ACOT12: variants seen among roughly 807,000 people sequenced by gnomAD.
ACOT12 encodes acyl-CoA thioesterase 12.
In ACOT12, 51 loss-of-function variants were observed where a neutral mutation model predicts 67.7. The ratio of observed to expected loss-of-function variants is 0.75; its 90% CI spans 0.60 to 0.95. The LOEUF is 0.95. ACOT12 is among the 40% of genes least tolerant of loss of function. ACOT12 has a pLI of 0.00. For missense variants in ACOT12, 734 were observed against 708.1 expected (o/e 1.04, Z -0.41); for synonymous variants, 251 against 244.6 (o/e 1.03, Z -0.24).
chr5:81,331,071 G>T, intron 13 of ACOT12, 131 bp from the exon 14 acceptor site: 1 of 1,093,968 alleles, frequency 9.1e-7, no homozygotes, highest in Non-Finnish European at 1.2e-6. Flanking sequence ...TTCTAGAAGA[G>T]TGGTCTCATC....
Position 81,343,824 on chromosome 5 carries a change from G to C in ACOT12, c.1038C>G (p.Ser346Arg). Residue 346 changes from serine to arginine, a missense_variant, in exon 10 of 15, where the codon AGC becomes AGG. Physicochemically the swap from Ser to Arg is moderately radical, Grantham distance 110. Transcript: ENST00000307624. Reference protein sequence around the residue: ...EVPLCIHWDISKQASLSDSNV... With the variant: ...EVPLCIHWDIRKQASLSDSNV... ...CCAAATCACAAAACATCACCTGCTT[G>C]CTGATATCCCAGTGTATGCAAAGTG... 1.2e-6 allele frequency: 2 copies of C among 1,611,852 alleles called. No homozygotes were observed. Among genetic ancestry groups the C allele is most frequent in the Non-Finnish European group, 1.7e-6 (2 of 1,179,514 alleles).
chr5:81,370,821 T>C (rs980995430), intron 3 of ACOT12, among the ~76,000 whole-genome samples: 1 of 152,218 alleles, frequency 6.6e-6, no homozygotes, highest in African/African-American at 2.4e-5. Flanking sequence ...CTTCCATGTC[T>C]TCATGCCCAG....
At chr5:81,364,371 G>C (rs1012776017) in intron 3 of ACOT12, among the ~76,000 whole-genome samples, 24 of 151,472 alleles carry the variant, frequency 1.6e-4, no homozygotes, top group African/African-American at 5.3e-4. Flanking sequence ...AAATACGTGT[G>C]TGTATATATG....
chr5:81,365,781 G>A (rs1760059393), intron 3 of ACOT12, among the ~76,000 whole-genome samples: 1 of 152,188 alleles, frequency 6.6e-6, no homozygotes, highest in South Asian at 2.1e-4. Context: ...AGGTTCTCAG[G>A]CTGAAGGTAA....
chr5:81,366,328 G>C (rs1343377495), intron 3 of ACOT12, among the ~76,000 whole-genome samples: 1 of 152,056 alleles, frequency 6.6e-6, no homozygotes, highest in Non-Finnish European at 1.5e-5. Context: ...AAAAATATTA[G>C]ATGCAAGAAA....
chr5:81,374,588 C>A (rs541523719), intron 2 of ACOT12, among the ~76,000 whole-genome samples: 1 of 152,076 alleles, frequency 6.6e-6, no homozygotes, highest in East Asian at 1.9e-4. Flanking sequence ...AAGCTAAGAA[C>A]CTTGAAAAAA....
chr5:81,378,447 C>T (rs1012374490), intron 2 of ACOT12, among the ~76,000 whole-genome samples: 3 of 152,134 alleles, frequency 2.0e-5, no homozygotes, highest in Non-Finnish European at 2.9e-5. Flanking sequence ...ATGACTAAAA[C>T]ACCAAAAGCA....
chr5:81,342,486 T>C (rs575985833), intron 11 of ACOT12, among the ~76,000 whole-genome samples, 186 bp downstream of exon 11: 4 of 152,260 alleles, frequency 2.6e-5, no homozygotes, highest in Admixed American at 2.0e-4. Context: ...TTGGGTATAT[T>C]TGAAGGACTC....
In ACOT12 at chr5:81,385,867, A is replaced by G. The variant is rs775940073; in HGVS notation, c.128-41T>C. On this transcript the variant is annotated intron_variant, in intron 1 of 14. Coordinates refer to ENST00000307624, the MANE Select transcript of ACOT12 (RefSeq NM_130767.3). ...AAAAATGTGCTGCTTTAGTGGTGATATGAGAATATTTCAGTATAAGGGAAA... is the reference window on the plus strand; with the variant it reads ...AAAAATGTGCTGCTTTAGTGGTGATGTGAGAATATTTCAGTATAAGGGAAA... The G allele has an allele frequency of 5.7e-6, 9 of 1,572,074 alleles. No homozygotes were observed. In the Admixed American group the frequency reaches 6.7e-5, roughly 12 times the overall value.
chr5:81,336,125 G>A (rs1758993959), intron 11 of ACOT12, among the ~76,000 whole-genome samples: 1 of 152,084 alleles, frequency 6.6e-6, no homozygotes, highest in African/African-American at 2.4e-5. Flanking sequence ...GTGACTTGAG[G>A]GTGGGCTATT....
intron 6 of ACOT12, among the ~76,000 whole-genome samples, chr5:81,346,997 A>G (rs889377860): frequency 1.3e-5 from 2 of 152,190 alleles, no homozygotes; most frequent in Admixed American, 6.5e-5. Context: ...GGAGTCTTTA[A>G]AAGTATTCTA....
downstream of ACOT12, among the ~76,000 whole-genome samples, chr5:81,329,111 C>CT (rs1221827324): frequency 6.6e-6 from 1 of 152,162 alleles, no homozygotes; most frequent in Non-Finnish European, 1.5e-5. Flanking sequence ...TATCATCACT[C>CT]TACTCCTTTA....
chr5:81,344,821 G>A lies in ACOT12; in HGVS notation c.924+70C>T, dbSNP rs1025044867. 15 of 1,564,478 alleles carry A rather than the reference G, an allele frequency of 9.6e-6. No homozygotes were observed. The Admixed American group carries it at 2.6e-4, about 27-fold the overall frequency. ...AAGAGCCAAAGAGGTTGTTGCCGGTGGGAGGAGATTCTAGGTAGAGCTCTC... is the reference window on the plus strand; with the variant it reads ...AAGAGCCAAAGAGGTTGTTGCCGGTAGGAGGAGATTCTAGGTAGAGCTCTC... On this transcript the variant is annotated intron_variant, in intron 8 of 14. Transcript: ENST00000307624.
chr5:81,387,062 A>G (rs1036756784), intron 1 of ACOT12, among the ~76,000 whole-genome samples: 20 of 142,416 alleles, frequency 1.4e-4, no homozygotes, highest in Non-Finnish European at 3.0e-4. Flanking sequence ...CTGGAGTGCA[A>G]TGGTGTGATC....
chr5:81,392,862 G>A (rs1345934410), intron 1 of ACOT12, among the ~76,000 whole-genome samples: 2 of 152,166 alleles, frequency 1.3e-5, no homozygotes, highest in East Asian at 1.9e-4. Flanking sequence ...TCTCTTCCTG[G>A]CCTGTGGATG....
At chr5:81,380,761 T>G (rs1463609053) in intron 2 of ACOT12, among the ~76,000 whole-genome samples, 3 of 152,154 alleles carry the variant, frequency 2.0e-5, no homozygotes, top group African/African-American at 7.2e-5. Context: ...ATGTAGATAC[T>G]AAAAGGAATG....
At chr5:81,357,195 A>G (rs147376304) in intron 5 of ACOT12, among the ~76,000 whole-genome samples, 2,085 of 152,162 alleles carry the variant, frequency 0.014, 48 homozygotes, top group African/African-American at 0.047. Context: ...TGAACCCTGA[A>G]GGGCCCTTCC....
intron 11 of ACOT12, among the ~76,000 whole-genome samples, chr5:81,337,354 G>A (rs565791363): frequency 2.3e-4 from 35 of 152,260 alleles, no homozygotes; most frequent in African/African-American, 7.9e-4. Context: ...ATTGTGCTGA[G>A]CACTTATTAA....
chr5:81,337,136 T>C (rs1236264569), intron 11 of ACOT12, among the ~76,000 whole-genome samples: 3 of 152,302 alleles, frequency 2.0e-5, no homozygotes, highest in South Asian at 2.1e-4. Context: ...AGGAGTTTCA[T>C]TGGTGTATAT....
Sources: allele counts gnomAD v4.1 joint callset (sites outside exome capture counted in the v4.1 genomes callset), GRCh38; gene constraint gnomAD v4.1.1; transcripts MANE v1.5; gene names NCBI Gene and HGNC (gene_info 2026-07-23, HGNC 2026-07-21).